The following SEC24B variants were observed in gnomAD, a reference collection of about 807,000 sequenced individuals.
SEC24B encodes the protein SEC24 homolog B, COPII component.
Under a neutral mutation model 142.8 loss-of-function variants are expected in SEC24B, and 45 were observed. The ratio of observed to expected loss-of-function variants is 0.32; its 90% CI spans 0.25 to 0.40. The LOEUF is 0.40. SEC24B is among the 10% of genes least tolerant of loss of function. The probability of loss-of-function intolerance (pLI) is 1.00; values close to 1 mark genes in which losing one functional copy is unlikely to be tolerated. For missense variants in SEC24B, 1,409 were observed against 1,526.8 expected (o/e 0.92, Z 1.29); for synonymous variants, 574 against 568.2 (o/e 1.01, Z -0.15).
chr4:109,437,391 C>A (rs1033593964), intron 1 of SEC24B, among the ~76,000 whole-genome samples: 1 of 152,006 alleles, frequency 6.6e-6, no homozygotes, highest in Non-Finnish European at 1.5e-5. Flanking sequence ...TCAAGTGATC[C>A]TCCTGCCTCA....
At chr4:109,473,400 GCT>G (rs1325791825) in intron 3 of SEC24B, among the ~76,000 whole-genome samples, 1 of 151,706 alleles carries the variant, frequency 6.6e-6, no homozygotes, top group Non-Finnish European at 1.5e-5. Context: ...AGTCTTTATT[GCT>G]CTTTTTATGG....
chr4:109,537,796 G>A (rs1016410529), intron 22 of SEC24B, among the ~76,000 whole-genome samples: 1 of 152,134 alleles, frequency 6.6e-6, no homozygotes, highest in African/African-American at 2.4e-5. Flanking sequence ...AATGGAAATG[G>A]TTTTTAAAAT....
Position 109,494,717 on chromosome 4 carries a change from C to G in SEC24B, c.1349C>G (p.Pro450Arg), listed in dbSNP as rs1367523861. The G allele has an allele frequency of 6.2e-7, 1 of 1,614,212 alleles. No homozygotes were observed. The highest frequency in any genetic ancestry group is 8.5e-7 in the Non-Finnish European group (1 of 1,180,036). Residue 450 changes from proline to arginine, a missense_variant, in exon 6 of 24, where the codon CCT becomes CGT. Pro to Arg is a moderately radical substitution (Grantham distance 103, BLOSUM62 -2). Transcript: ENST00000265175. ...GCTTCAGCTCCAGCTCCTGTCGTCC[C>G]TCAGCCTTCAAAAATGGCTAAGCCT... ...APASAPAPVVPQPSKMAKPFG... is the reference protein window; with the variant it reads ...APASAPAPVVRQPSKMAKPFG...
At chr4:109,497,554 T>G (rs541530984) in intron 6 of SEC24B, among the ~76,000 whole-genome samples, 1 of 137,634 alleles carries the variant, frequency 7.3e-6, no homozygotes, top group South Asian at 2.1e-4. Flanking sequence ...TTCCCACCTT[T>G]CTTTTTTTTT....
chr4:109,503,926 C>T (rs145941892), intron 6 of SEC24B, among the ~76,000 whole-genome samples: 1 of 152,002 alleles, frequency 6.6e-6, no homozygotes, highest in East Asian at 1.9e-4. Context: ...AATATCCTAC[C>T]TTTATTTTAT....
chr4:109,450,440 A>G (rs1265729904), intron 1 of SEC24B, among the ~76,000 whole-genome samples: 1 of 151,736 alleles, frequency 6.6e-6, no homozygotes, highest in Non-Finnish European at 1.5e-5. Context: ...CGGGTGGATG[A>G]TGAGTTCAGG....
At chr4:109,494,553 G>T (rs1735335930) in intron 5 of SEC24B, 62 bp from the exon 6 acceptor site, 3 of 1,596,292 alleles carry the variant, frequency 1.9e-6, no homozygotes, top group Non-Finnish European at 2.6e-6. Flanking sequence ...ACTGGATCAG[G>T]AGTCCAGTCT....
chr4:109,478,073 G>A (rs1223566363), intron 3 of SEC24B, among the ~76,000 whole-genome samples: 1 of 152,054 alleles, frequency 6.6e-6, no homozygotes, highest in Non-Finnish European at 1.5e-5. Context: ...TTTGAGGTCA[G>A]GACTTCGAGA....
Position 109,449,396 on chromosome 4 carries a change from C to CTT in SEC24B, c.134-13490_134-13489dup, listed in dbSNP as rs74494967. On this transcript the variant is annotated intron_variant, in intron 1 of 23. Coordinates refer to ENST00000265175, the MANE Select transcript of SEC24B (RefSeq NM_006323.5). ...GTGCCACCATGCCTGGCTAATTTTT[C>CTT]TTTTTTTTTTTTTTTTGTAGAGACG... The CTT allele has an allele frequency of 6.7e-3, 2,029 of 301,170 alleles. 1 individual carries two copies. The highest frequency in any genetic ancestry group is 0.012 in the South Asian group (473 of 41,116). The allele number at this position is 301,170 out of a possible 1,614,324, so 18.7% of individuals were successfully genotyped here. A position where few individuals can be genotyped will look rare whatever the true frequency, so the allele number is the denominator to read the frequency against.
chr4:109,521,677 TTATTC>T (rs765113242), intron 14 of SEC24B, 51 bp downstream of exon 14: 17 of 1,294,636 alleles, frequency 1.3e-5, no homozygotes, highest in African/African-American at 6.0e-5. Flanking sequence ...AATTATTTGT[TTATTC>T]TATTTCATTA....
intron 6 of SEC24B, among the ~76,000 whole-genome samples, chr4:109,500,682 CCTT>C (rs770522959): frequency 1.8e-4 from 28 of 152,026 alleles, no homozygotes; most frequent in Non-Finnish European, 2.9e-4. Flanking sequence ...TCCGGAGTCT[CCTT>C]CTGTCACCCA....
chr4:109,494,270 C>G lies in SEC24B; in HGVS notation c.1247-345C>G, dbSNP rs1217999229. Among the ~76,000 whole-genome samples, 4 of 151,870 alleles carry G rather than the reference C, an allele frequency of 2.6e-5. No homozygotes were observed. In the East Asian group the frequency reaches 7.7e-4, roughly 29 times the overall value. ...AGGTGTTCAAGACCAGCCTAGGCAA[C>G]ATGGGAGACTCCATCTCTATTTTAA... On this transcript the variant is annotated intron_variant, in intron 5 of 23. Coordinates refer to ENST00000265175, the MANE Select transcript of SEC24B (RefSeq NM_006323.5).
At chr4:109,492,967 AC>A (rs1446023816) in intron 5 of SEC24B, among the ~76,000 whole-genome samples, 1 of 149,940 alleles carries the variant, frequency 6.7e-6, no homozygotes, top group East Asian at 2.0e-4. Flanking sequence ...CAGTCCTTCC[AC>A]CTTGGCCTTC....
intron 5 of SEC24B, among the ~76,000 whole-genome samples, chr4:109,492,890 T>C (rs1349761729): frequency 1.3e-5 from 2 of 152,082 alleles, no homozygotes; most frequent in African/African-American, 2.4e-5. Context: ...TTTTTTTTTT[T>C]TTTTCTTTTC....
chr4:109,448,639 C>T (rs1054583656), intron 1 of SEC24B, among the ~76,000 whole-genome samples: 6 of 152,066 alleles, frequency 3.9e-5, no homozygotes, highest in Admixed American at 3.3e-4. Context: ...GATGGGGTTT[C>T]GCCATGTTGG....
At chr4:109,494,412 C>A (rs919296347) in intron 5 of SEC24B, among the ~76,000 whole-genome samples, 1 of 151,366 alleles carries the variant, frequency 6.6e-6, no homozygotes, top group South Asian at 2.1e-4. Context: ...AACAAGATAA[C>A]AAAATATTGA....
Position 109,517,372 on chromosome 4 carries a change from A to G in SEC24B, c.2126+732A>G, listed in dbSNP as rs191779136. Among the ~76,000 whole-genome samples, 6 of 152,304 alleles carry G rather than the reference A, an allele frequency of 3.9e-5. No individual in the cohort carries two copies. The East Asian group carries it at 1.2e-3, about 29-fold the overall frequency. On this transcript the variant is annotated intron_variant, in intron 11 of 23. Transcript: ENST00000265175. ...TACGTTAAGTGAAATCAGAACAGATATTGCGTGTTCTCATTCATTGTGGGA... is the reference window on the plus strand; with the variant it reads ...TACGTTAAGTGAAATCAGAACAGATGTTGCGTGTTCTCATTCATTGTGGGA...
intron 4 of SEC24B, among the ~76,000 whole-genome samples, chr4:109,484,635 G>C (rs1436520616): frequency 2.6e-5 from 4 of 152,098 alleles, no homozygotes; most frequent in Admixed American, 2.6e-4. Flanking sequence ...CGGATCACCT[G>C]GGGTCAGGAG....
intron 4 of SEC24B, among the ~76,000 whole-genome samples, chr4:109,490,114 A>C (rs1734858231): frequency 6.6e-6 from 1 of 152,120 alleles, no homozygotes; most frequent in South Asian, 2.1e-4. Flanking sequence ...ACATTTAAAA[A>C]ATCGTTAGCA....
Sources: gnomAD v4.1 joint callset for allele counts (sites outside exome capture counted in the v4.1 genomes callset) on GRCh38, gnomAD v4.1.1 for gene constraint, MANE v1.5 for transcripts, NCBI Gene and HGNC (gene_info 2026-07-23, HGNC 2026-07-21) for gene names.